Variants in GPM6B observed in about 807,000 individuals in gnomAD.
GPM6B encodes the protein neuronal membrane glycoprotein M6-b.
A neutral mutation model predicts 27.2 loss-of-function variants in GPM6B; 4 were observed. That is an observed-to-expected ratio of 0.15 (90% CI 0.07 to 0.34). GPM6B has a LOEUF of 0.34. Among genes scored for constraint, GPM6B ranks in the 10% least tolerant of loss-of-function variants. GPM6B has a pLI of 1.00. For synonymous variants in GPM6B, 124 were observed against 103.1 expected (o/e 1.20, Z -1.23); for missense variants, 183 against 261.9 (o/e 0.70, Z 2.08).
At chrX:13,917,079 G>A (rs1222593841) in intron 1 of GPM6B, among the ~76,000 whole-genome samples, 4 of 110,809 alleles carry the variant, frequency 3.6e-5, no homozygotes, top group Non-Finnish European at 5.7e-5. Flanking sequence ...AGATGTGGTG[G>A]TGCACAACTG....
rs1921366671 is a variant in GPM6B at position 13,929,415 on chromosome X, T to C, written c.-198+8912A>G. Reference sequence around the variant, plus strand: ...CCCATTATATCTCCAGATTCTCTGATGATGTAAGAAAAAGATTAAAAAAAA... The same window carrying C: ...CCCATTATATCTCCAGATTCTCTGACGATGTAAGAAAAAGATTAAAAAAAA... On this transcript the variant is annotated intron_variant, in intron 1 of 6. Coordinates refer to the GPM6B transcript ENST00000398361. 6.5e-5 allele frequency among the ~76,000 whole-genome samples: 6 copies of C among 92,891 alleles called. No individual in the cohort carries two copies. In the South Asian group the frequency reaches 2.5e-3, roughly 39 times the overall value. The allele number at this position is 92,891 out of a possible 115,157, so 80.7% of individuals were successfully genotyped here.
At chrX:13,890,412 A>T (rs2050177914) in intron 1 of GPM6B, among the ~76,000 whole-genome samples, 1 of 111,605 alleles carries the variant, frequency 9.0e-6, no homozygotes, top group Non-Finnish European at 1.9e-5. Context: ...TTCTTAATAA[A>T]CTTGCTTTCA....
chrX:13,784,181 G>A (rs1278180183), intron 3 of GPM6B, among the ~76,000 whole-genome samples: 1 of 112,951 alleles, frequency 8.9e-6, no homozygotes, highest in Admixed American at 9.3e-5. Context: ...GGAATCACCT[G>A]GGGAGCTTGG....
chrX:13,792,628 G>C (rs921747643), intron 2 of GPM6B, among the ~76,000 whole-genome samples: 1 of 111,939 alleles, frequency 8.9e-6, no homozygotes, highest in African/African-American at 3.2e-5. Context: ...TGGGCCGGGC[G>C]GGGTGGCTCA....
intron 2 of GPM6B, among the ~76,000 whole-genome samples, chrX:13,793,939 A>G (rs1050352157): frequency 8.9e-6 from 1 of 111,905 alleles, no homozygotes; most frequent in Non-Finnish European, 1.9e-5. Flanking sequence ...TTACTTTTTT[A>G]ACCGCTTAGA....
intron 1 of GPM6B, among the ~76,000 whole-genome samples, chrX:13,854,546 ATAAG>A (rs2049758319): frequency 8.9e-6 from 1 of 112,524 alleles, no homozygotes; most frequent in African/African-American, 3.2e-5. Context: ...CTTTTAAAAA[ATAAG>A]TAATGAAACC....
intron 1 of GPM6B, among the ~76,000 whole-genome samples, chrX:13,856,692 ATTTTT>A (rs113873908): frequency 1.1e-5 from 1 of 93,240 alleles, no homozygotes; most frequent in Admixed American, 1.2e-4. Flanking sequence ...CTGCACCTTT[ATTTTT>A]TTTTTTATTA....
chrX:13,783,975 G>A, intron 3 of GPM6B: 1 of 277,667 alleles, frequency 3.6e-6, no homozygotes, highest in South Asian at 3.5e-5. Context: ...ATGTCACTCT[G>A]ATAAAACCCC....
At chrX:13,846,308 A>T (rs374101646) in intron 1 of GPM6B, among the ~76,000 whole-genome samples, 1 of 110,785 alleles carries the variant, frequency 9.0e-6, no homozygotes, top group East Asian at 2.8e-4. Flanking sequence ...ATCATGCTGG[A>T]TACTTCCCAG....
At chrX:13,913,533 C>G (rs931133207) in intron 1 of GPM6B, among the ~76,000 whole-genome samples, 7 of 111,333 alleles carry the variant, frequency 6.3e-5, no homozygotes, top group African/African-American at 2.3e-4. Context: ...TTCAAACTAG[C>G]ATAATCTCAT....
chrX:13,911,516 T>C (rs942362614), intron 1 of GPM6B, among the ~76,000 whole-genome samples: 2 of 112,529 alleles, frequency 1.8e-5, no homozygotes, highest in Middle Eastern at 4.2e-3. Context: ...GTTAAAGAAC[T>C]GAGTTTAACT....
In GPM6B at chrX:13,783,409, C is replaced by T. The variant is rs774097260; in HGVS notation, c.481G>A (p.Gly161Ser). 2.7e-5 allele frequency: 33 copies of T among 1,203,684 alleles called. No individual in the cohort carries two copies. Among genetic ancestry groups the T allele is most frequent in the Non-Finnish European group, 3.5e-5 (31 of 890,629 alleles). Residue 161 changes from glycine (G) to serine (S), a missense_variant, in exon 4 of 8, where the codon GGT becomes AGT. By Grantham distance (56) the Gly-to-Ser change is moderately conservative (BLOSUM62 0). Transcript: ENST00000316715. The stretch of plus-strand genomic sequence containing the variant: ...CCACAAGCGGTTGTTTTAAACTCAC[C>T]GTGCAGTTCTTTCACTGCACTTGTG... ...YTTSAVKELHGEFKTTACGRC... is the reference protein window; with the variant it reads ...YTTSAVKELHSEFKTTACGRC...
At chrX:13,852,283 T>C (rs761344458) in intron 1 of GPM6B, among the ~76,000 whole-genome samples, 51 of 111,669 alleles carry the variant, frequency 4.6e-4, no homozygotes, top group Non-Finnish European at 4.7e-4. Context: ...CCATACCTGA[T>C]GTAAACAAAG....
At chrX:13,895,052 T>C (rs147775740) in intron 1 of GPM6B, among the ~76,000 whole-genome samples, 7 of 112,085 alleles carry the variant, frequency 6.2e-5, no homozygotes, top group African/African-American at 2.3e-4. Flanking sequence ...ATATTTTCTT[T>C]TGAGGGTTTT....
intron 1 of GPM6B, among the ~76,000 whole-genome samples, chrX:13,816,212 C>T (rs760941553): frequency 5.4e-5 from 6 of 111,042 alleles, no homozygotes; most frequent in South Asian, 3.9e-4. Context: ...GAAATAGGAC[C>T]TTTATCAATT....
At chrX:13,909,042 G>T (rs1399374162) in intron 1 of GPM6B, among the ~76,000 whole-genome samples, 1 of 109,673 alleles carries the variant, frequency 9.1e-6, no homozygotes, top group Non-Finnish European at 1.9e-5. Flanking sequence ...GGTACAGAGG[G>T]TTCCCACATA....
In GPM6B at chrX:13,933,115, A is replaced by G. The variant is rs774122480; in HGVS notation, c.-198+5212T>C. Reference sequence around the variant, plus strand: ...AAATACCTTGAAATCTATAATTTTAATGTTGACAGACCTTAATAAAATGCA... The same window carrying G: ...AAATACCTTGAAATCTATAATTTTAGTGTTGACAGACCTTAATAAAATGCA... On this transcript the variant is annotated intron_variant, in intron 1 of 6. Coordinates refer to the GPM6B transcript ENST00000398361. Among the ~76,000 whole-genome samples, 5 of 112,138 alleles carry G rather than the reference A, an allele frequency of 4.5e-5. No homozygotes were observed. In the South Asian group the frequency reaches 1.5e-3, roughly 33 times the overall value.
intron 5 of GPM6B, among the ~76,000 whole-genome samples, chrX:13,778,521 C>CA (rs2048458267): frequency 9.0e-6 from 1 of 111,385 alleles, no homozygotes; most frequent in African/African-American, 3.3e-5. Context: ...AAATATTAAA[C>CA]ACTCCTAGGA....
chrX:13,836,000 C>T (rs761187062), intron 1 of GPM6B, among the ~76,000 whole-genome samples: 81 of 112,370 alleles, frequency 7.2e-4, no homozygotes, highest in Non-Finnish European at 9.9e-4. Flanking sequence ...CATGCCAAAG[C>T]TGACTCAAAC....
Sources: gnomAD v4.1 joint callset for allele counts (sites outside exome capture counted in the v4.1 genomes callset) on GRCh38, gnomAD v4.1.1 for gene constraint, MANE v1.5 for transcripts, NCBI Gene and HGNC (gene_info 2026-07-23, HGNC 2026-07-21) for gene names.